TENM3: variants seen among roughly 807,000 people sequenced by gnomAD.
The protein encoded by TENM3 is teneurin transmembrane protein 3.
TENM3 carries 63 observed loss-of-function variants against 255.1 expected under a neutral mutation model. That is an observed-to-expected ratio of 0.25 (90% confidence interval 0.20 to 0.30). The LOEUF (loss-of-function observed/expected upper bound fraction) is 0.30. TENM3 is among the 10% of genes least tolerant of loss of function. The pLI is 1.00. For missense variants in TENM3, 2,929 were observed against 3,461.1 expected (o/e 0.85, Z 3.86); for synonymous variants, 1,306 against 1,322.3 (o/e 0.99, Z 0.27).
At chr4:181,921,107 A>G in the TENM3 span, among the ~76,000 whole-genome samples, 9 of 152,146 alleles carry the variant, frequency 5.9e-5, no homozygotes, top group Non-Finnish European at 8.8e-5. Context: ...CTGTTTTGGT[A>G]CCAGTACCAT....
At chr4:181,668,248 C>T in the TENM3 span, among the ~76,000 whole-genome samples, 1 of 152,172 alleles carries the variant, frequency 6.6e-6, no homozygotes. Flanking sequence ...TTTCATGTTC[C>T]TCCAACGTTG....
the TENM3 span, among the ~76,000 whole-genome samples, chr4:181,761,719 G>T: frequency 2.2e-4 from 33 of 152,162 alleles, no homozygotes; most frequent in African/African-American, 7.7e-4. Flanking sequence ...TTCAATTACT[G>T]CTTCCTATCG....
intron 1 of TENM3, among the ~76,000 whole-genome samples, chr4:182,192,859 G>T (rs974221685): frequency 1.3e-5 from 2 of 152,130 alleles, no homozygotes; most frequent in Non-Finnish European, 2.9e-5. Flanking sequence ...AAAAGGCACT[G>T]GATCTTTCTT....
the TENM3 span, among the ~76,000 whole-genome samples, chr4:182,079,393 G>A: frequency 1.3e-5 from 2 of 152,056 alleles, no homozygotes; most frequent in Non-Finnish European, 2.9e-5. Context: ...GCGGGTGCCT[G>A]TAGTCCCAGC....
chr4:182,685,645 A>C (rs1756512834), intron 11 of TENM3, among the ~76,000 whole-genome samples: 1 of 152,122 alleles, frequency 6.6e-6, no homozygotes. Flanking sequence ...AGAGATAATT[A>C]CTTCTATAGT....
chr4:182,792,732 C>T lies in TENM3; in HGVS notation c.6060C>T (p.Ser2020=), dbSNP rs1413512412. 1.2e-6 allele frequency: 2 copies of T among 1,613,814 alleles called. No individual in the cohort carries two copies. The highest frequency in any genetic ancestry group is 3.3e-5 in the Admixed American group (2 of 60,012). The change falls in exon 26 of 28, where the codon AGC becomes AGT. Residue 2020 remains serine, a synonymous_variant. Transcript: ENST00000511685. The surrounding 1 kb of genome is among the most constrained non-coding windows in gnomAD (Gnocchi z 6.3). ...DGMVNARFDY[S]YDNSFRVTSM... ...TGGTAAATGCAAGATTTGACTATAG[C>T]TATGACAACAGCTTTCGAGTGACCA...
chr4:182,274,059 A>G (rs1411168328), intron 1 of TENM3, among the ~76,000 whole-genome samples: 2 of 152,248 alleles, frequency 1.3e-5, no homozygotes, highest in African/African-American at 4.8e-5. Flanking sequence ...ATATAGGGAC[A>G]GTCTTGCTGG....
chr4:181,910,153 T>C, the TENM3 span, among the ~76,000 whole-genome samples: 1 of 152,214 alleles, frequency 6.6e-6, no homozygotes, highest in African/African-American at 2.4e-5. Context: ...GTTTTATGTT[T>C]TAGTCCAGAA....
chr4:181,817,062 T>A, the TENM3 span, among the ~76,000 whole-genome samples: 10 of 152,234 alleles, frequency 6.6e-5, no homozygotes, highest in Non-Finnish European at 1.3e-4. Context: ...GACTCCACTC[T>A]AAATTCATGC....
intron 1 of TENM3, among the ~76,000 whole-genome samples, chr4:182,320,066 T>C (rs1762956664): frequency 6.6e-6 from 1 of 151,504 alleles, no homozygotes; most frequent in Non-Finnish European, 1.5e-5. Context: ...TGAGCTGAGA[T>C]TGCACCAGTG....
chr4:182,283,136 A>G (rs17072961), intron 1 of TENM3, among the ~76,000 whole-genome samples: 4,425 of 152,240 alleles, frequency 0.029, 224 homozygotes, highest in African/African-American at 0.1. Context: ...ATTGACTTCA[A>G]CGTAAATAAT....
intron 12 of TENM3, among the ~76,000 whole-genome samples, chr4:182,710,634 G>A (rs1220891322): frequency 6.6e-6 from 1 of 152,132 alleles, no homozygotes; most frequent in Non-Finnish European, 1.5e-5. Flanking sequence ...CACCTGAGTG[G>A]CCCAACTGAG....
the TENM3 span, among the ~76,000 whole-genome samples, chr4:182,061,462 A>G: frequency 2.0e-5 from 3 of 152,138 alleles, no homozygotes; most frequent in African/African-American, 4.8e-5. Flanking sequence ...AATTTCATAC[A>G]TCAGTTTTGA....
At chr4:182,708,866 CCTACT>C (rs1467473114) in intron 12 of TENM3, among the ~76,000 whole-genome samples, 4 of 151,888 alleles carry the variant, frequency 2.6e-5, no homozygotes, top group Admixed American at 2.0e-4. Flanking sequence ...GAAATATGGT[CCTACT>C]CATGCCGTGT....
chr4:181,558,067 G>A, the TENM3 span, among the ~76,000 whole-genome samples: 1 of 152,294 alleles, frequency 6.6e-6, no homozygotes, highest in South Asian at 2.1e-4. Context: ...GTTGGGAGAT[G>A]TGACCCTCTA....
chr4:182,195,090 T>G (rs184443348), intron 1 of TENM3, among the ~76,000 whole-genome samples: 3 of 150,894 alleles, frequency 2.0e-5, no homozygotes, highest in Admixed American at 6.6e-5. Context: ...GAGGACTTCT[T>G]TATAATAGTT....
In TENM3 at chr4:182,754,762, C is replaced by T. The variant is rs201867735; in HGVS notation, c.4395C>T (p.Tyr1465=). 984 of 1,614,070 alleles carry T rather than the reference C, an allele frequency of 6.1e-4. 1 individual carries two copies. The highest frequency in any genetic ancestry group is 9.5e-4 in the Admixed American group (57 of 60,032). The stretch of plus-strand genomic sequence containing the variant: ...ACTGTTACCAGAGTGGAGATGGCTA[C>T]GCCAAGGATGCCAAACTCAGTGCCC... The part of the protein sequence containing the change: ...NCDCYQSGDG[Y]AKDAKLSAPS... Residue 1465 remains tyrosine, a synonymous_variant, in exon 22 of 28, where the codon TAC becomes TAT. Coordinates refer to ENST00000511685, the MANE Select transcript of TENM3 (RefSeq NM_001080477.4). The surrounding 1 kb of genome is among the most constrained non-coding windows in gnomAD (Gnocchi z 5.1).
At chr4:181,893,910 G>A in the TENM3 span, among the ~76,000 whole-genome samples, 9 of 151,768 alleles carry the variant, frequency 5.9e-5, no homozygotes, top group Non-Finnish European at 1.2e-4. Context: ...TATACACTTA[G>A]CAAAGCATTT....
the TENM3 span, among the ~76,000 whole-genome samples, chr4:181,679,392 C>CCT: frequency 1.3e-5 from 2 of 152,020 alleles, no homozygotes; most frequent in African/African-American, 4.8e-5. Flanking sequence ...AAGTTTTTTT[C>CCT]CTTATCATTT....
Sources: gnomAD v4.1 joint callset for allele counts (sites outside exome capture counted in the v4.1 genomes callset) on GRCh38, gnomAD v4.1.1 for gene constraint, Gnocchi (gnomAD v3.1) non-coding constraint, MANE v1.5 for transcripts, NCBI Gene and HGNC (gene_info 2026-07-23, HGNC 2026-07-21) for gene names.